The following ATP7A variants were observed in gnomAD, a reference collection of about 807,000 sequenced individuals.
ATP7A encodes copper-transporting ATPase 1.
A neutral mutation model predicts 83.5 loss-of-function variants in ATP7A; 7 were observed. That is an observed-to-expected ratio of 0.08 (90% CI 0.05 to 0.16). The LOEUF (loss-of-function observed/expected upper bound fraction) is 0.16. ATP7A is among the 10% of genes least tolerant of loss of function. ATP7A has a pLI of 1.00. For synonymous variants in ATP7A, 354 were observed against 395.2 expected (o/e 0.90, Z 1.24); for missense variants, 940 against 1,120.8 (o/e 0.84, Z 2.30).
chrX:77,976,477 G>A (rs1237703475), intron 2 of ATP7A, among the ~76,000 whole-genome samples: 7 of 111,806 alleles, frequency 6.3e-5, no homozygotes, highest in African/African-American at 2.3e-4. Context: ...AGTTTGCCTT[G>A]TTTTTATTAC....
intron 6 of ATP7A, 62 bp downstream of exon 6, chrX:78,003,298 A>G: frequency 9.3e-7 from 1 of 1,070,303 alleles, no homozygotes; most frequent in South Asian, 1.9e-5. Flanking sequence ...TAAGGTTCAG[A>G]GAAGAGTTGT....
chrX:78,007,510 A>G (rs1457158849), intron 6 of ATP7A, among the ~76,000 whole-genome samples: 2 of 111,071 alleles, frequency 1.8e-5, no homozygotes, highest in Non-Finnish European at 3.8e-5. Context: ...TATTTGTAGT[A>G]GAGATGGGGT....
rs1370331059 is a variant in ATP7A at position 77,983,635 on chromosome X, CTCCATCTTCAGTCT to C, written c.121-4605_121-4592del. ...CTTCATCAAAATACAGTGAATAGTC[CTCCATCTTCAGTCT>C]TTCCTATGAGCTATATTTATAATTT... On this transcript the variant is annotated intron_variant, in intron 2 of 22. Coordinates refer to ENST00000341514, the MANE Select transcript of ATP7A (RefSeq NM_000052.7). Among the ~76,000 whole-genome samples the C allele has an allele frequency of 2.7e-5, 3 of 112,041 alleles. No homozygotes were observed. The East Asian group carries it at 8.3e-4, about 31-fold the overall frequency.
At chrX:78,020,219 A>G in intron 12 of ATP7A, 25 bp from the exon 13 acceptor site, 1 of 1,203,119 alleles carries the variant, frequency 8.3e-7, no homozygotes, top group Non-Finnish European at 1.1e-6. Context: ...TATGCTCCTT[A>G]AATCTATCTT....
At chrX:77,956,788 T>TTTCTTTC (rs1205697788) in intron 1 of ATP7A, among the ~76,000 whole-genome samples, 17 of 66,815 alleles carry the variant, frequency 2.5e-4, no homozygotes, top group African/African-American at 9.6e-4. Flanking sequence ...TCTTTCTTTC[T>TTTCTTTC]CTTTCTTTCT....
chrX:77,988,562 T>G lies in ATP7A; in HGVS notation c.441T>G (p.Ser147Arg). 1.7e-6 allele frequency: 2 copies of G among 1,211,538 alleles called. No individual in the cohort carries two copies. Among genetic ancestry groups the G allele is most frequent in the Non-Finnish European group, 2.2e-6 (2 of 895,333 alleles). The change falls in exon 3 of 23, where the codon AGT becomes AGG. Residue 147 changes from serine to arginine, a missense_variant. Coordinates refer to ENST00000341514, the MANE Select transcript of ATP7A (RefSeq NM_000052.7). ...TAAAAGAGCTGGTTCCAGAACTCAG[T>G]TTAGATACTGGGACACTGGAGAAAA... ...NQIKELVPEL[S>R]LDTGTLEKKS...
chrX:77,920,964 T>C (rs184738128), intron 1 of ATP7A, among the ~76,000 whole-genome samples: 29 of 112,333 alleles, frequency 2.6e-4, no homozygotes, highest in African/African-American at 8.4e-4. Context: ...ATAAATGGAA[T>C]AATACAATAT....
rs1557234543 is a variant in ATP7A at position 78,011,663 on chromosome X, G to A, written c.2161G>A (p.Val721Ile). 8 of 1,207,912 alleles carry A rather than the reference G, an allele frequency of 6.6e-6. No individual in the cohort carries two copies. Among genetic ancestry groups the A allele is most frequent in the Non-Finnish European group, 9.0e-6 (8 of 892,271 alleles). The stretch of plus-strand genomic sequence containing the variant: ...GAATTTGCTGTCCTTTTTATTGTGT[G>A]TACCTGTACAGGCAAGTGAATTGTT... ...VMNLLSFLLC[V>I]PVQFFGGWYF... The change falls in exon 9 of 23, where the codon GTA becomes ATA. Residue 721 changes from valine (V) to isoleucine (I), a missense_variant. Coordinates refer to ENST00000341514, the MANE Select transcript of ATP7A (RefSeq NM_000052.7).
intron 4 of ATP7A, among the ~76,000 whole-genome samples, chrX:77,995,317 G>A (rs1180119494): frequency 1.8e-5 from 2 of 110,469 alleles, no homozygotes; most frequent in Non-Finnish European, 3.8e-5. Flanking sequence ...GTAATCCCAC[G>A]ACTTTGGGAG....
At chrX:77,942,544 C>A (rs782469620) in intron 1 of ATP7A, among the ~76,000 whole-genome samples, 32 of 108,920 alleles carry the variant, frequency 2.9e-4, no homozygotes, top group Non-Finnish European at 5.5e-4. Flanking sequence ...GACCGGGTCC[C>A]AAGTGATCCT....
At chrX:78,033,010 T>G (rs781810469) in intron 16 of ATP7A, among the ~76,000 whole-genome samples, 53 of 112,593 alleles carry the variant, frequency 4.7e-4, no homozygotes, top group Non-Finnish European at 8.8e-4. Context: ...AGTTAAAAAT[T>G]TAATTTGTAA....
chrX:77,919,784 G>A (rs1390423144), intron 1 of ATP7A, among the ~76,000 whole-genome samples: 4 of 112,369 alleles, frequency 3.6e-5, no homozygotes, highest in African/African-American at 9.7e-5. Context: ...CACTGTGTCC[G>A]GCCCCATTTT....
chrX:78,034,249 T>A (rs2077999288), intron 17 of ATP7A, among the ~76,000 whole-genome samples: 1 of 111,809 alleles, frequency 8.9e-6, no homozygotes, highest in African/African-American at 3.3e-5. Context: ...GCCTAATGAA[T>A]CCCTTCATCT....
At position 78,003,334 on chromosome X, in the gene ATP7A, A is replaced by T. The variant is rs191531870; in HGVS notation, c.1707+98A>T. ...GAAGATAATTAAAGGTGGGGAAAAT[A>T]TTATGAAAATTAAGGAAACTGGAAA... On this transcript the variant is annotated intron_variant, in intron 6 of 22. Coordinates refer to ENST00000341514, the MANE Select transcript of ATP7A (RefSeq NM_000052.7). 28 of 847,116 alleles carry T rather than the reference A, an allele frequency of 3.3e-5. No homozygotes were observed. The Admixed American group carries it at 6.0e-4, about 18-fold the overall frequency. 69.8% of individuals were successfully genotyped at this position (847,116 alleles called of 1,213,427 possible).
chrX:77,980,239 G>A (rs782630143), intron 2 of ATP7A, among the ~76,000 whole-genome samples: 10 of 111,062 alleles, frequency 9.0e-5, no homozygotes, highest in African/African-American at 3.3e-4. Flanking sequence ...CACGAGGTCA[G>A]GAGTTCGAGA....
In ATP7A at chrX:78,048,296, A is replaced by C. The variant is rs1603391949; in HGVS notation, c.*1726A>C. 2 of 112,456 alleles carry C rather than the reference A, an allele frequency of 1.8e-5. No homozygotes were observed. The highest frequency in any genetic ancestry group is 7.3e-4 in the South Asian group (2 of 2,731). 9.3% of individuals were successfully genotyped at this position (112,456 alleles called of 1,213,427 possible). ...CAGAATATGTAAATGAAGAGGACTC[A>C]TAAGTAAATTCCTAACATTTTGTTC... On this transcript the variant is annotated 3_prime_UTR_variant, in exon 23 of 23. Transcript: ENST00000341514.
Position 78,025,147 on chromosome X carries a change from G to A in ATP7A, c.2916+4068G>A, listed in dbSNP as rs193209943. Among the ~76,000 whole-genome samples, 24 of 110,883 alleles carry A rather than the reference G, an allele frequency of 2.2e-4. 1 individual carries two copies. In the East Asian group the frequency reaches 3.7e-3, roughly 17 times the overall value. On this transcript the variant is annotated intron_variant, in intron 14 of 22. Coordinates refer to ENST00000341514, the MANE Select transcript of ATP7A (RefSeq NM_000052.7). ...TATCCACAACCAAGTAATCTGTACA[G>A]CACCTTGGACCCCTGAAAGCACCAA...
At chrX:78,016,014 C>T in intron 12 of ATP7A, 133 bp downstream of exon 12, 1 of 740,390 alleles carries the variant, frequency 1.4e-6, no homozygotes, top group Non-Finnish European at 2.0e-6. Flanking sequence ...TGTATTAAAT[C>T]AATTTCCTCA....
At chrX:77,944,777 T>G (rs2149056335) in intron 1 of ATP7A, among the ~76,000 whole-genome samples, 1 of 110,572 alleles carries the variant, frequency 9.0e-6, no homozygotes, top group African/African-American at 3.3e-5. Context: ...GACTTAGCTT[T>G]GTGGACAGTT....
Sources: allele counts gnomAD v4.1 joint callset (sites outside exome capture counted in the v4.1 genomes callset), GRCh38; gene constraint gnomAD v4.1.1; transcripts MANE v1.5; gene names NCBI Gene and HGNC (gene_info 2026-07-23, HGNC 2026-07-21).